Variants in RAPGEF4 observed in about 807,000 individuals in gnomAD.
RAPGEF4 encodes RAP guanine-nucleotide-exchange factor (GEF) 4.
A neutral mutation model predicts 147.9 loss-of-function variants in RAPGEF4; 66 were observed. That is an observed-to-expected ratio of 0.45 (90% confidence interval 0.37 to 0.55). The LOEUF (loss-of-function observed/expected upper bound fraction) is 0.55, where lower values mean the gene tolerates loss of function less well. Ranked by LOEUF, RAPGEF4 falls within the 20% of genes least tolerant of loss-of-function variation. RAPGEF4 has a pLI of 0.00. For synonymous variants in RAPGEF4, 419 were observed against 442.7 expected, an observed-to-expected ratio of 0.95 and a Z score of 0.67; for missense variants, 1,071 against 1,257.3, an observed-to-expected ratio of 0.85 and a Z score of 2.24.
intron 6 of RAPGEF4, among the ~76,000 whole-genome samples, chr2:172,941,257 A>G (rs576810886): frequency 6.6e-6 from 1 of 152,148 alleles, no homozygotes; most frequent in African/African-American, 2.4e-5. Flanking sequence ...GAATGGTGAG[A>G]AAGAATACCC....
rs1690509757 is a variant in RAPGEF4, at chr2:172,832,836, AT to A, written c.444+18415del. 2.6e-5 allele frequency among the ~76,000 whole-genome samples: 4 copies of A among 152,330 alleles called. No individual in the cohort carries two copies. The South Asian group carries it at 8.3e-4, about 32-fold the overall frequency. On this transcript the variant is annotated intron_variant, in intron 4 of 30. Transcript: ENST00000397081. The stretch of plus-strand genomic sequence containing the variant: ...ATCTTTCCTTTACTTTAATGTCATT[AT>A]TTTCAGACTAATGGTTGGCTAATAG...
chr2:172,748,241 T>A (rs1597649), intron 1 of RAPGEF4, among the ~76,000 whole-genome samples: 125,650 of 152,122 alleles, frequency 0.83, 54,238 homozygotes, highest in Non-Finnish European at 0.96. Context: ...ATTTTGAGGA[T>A]CCTCCATAAG....
At chr2:172,753,887 C>CAA (rs1695526871) in intron 1 of RAPGEF4, among the ~76,000 whole-genome samples, 1 of 151,598 alleles carries the variant, frequency 6.6e-6, no homozygotes. Context: ...CACACACACA[C>CAA]ACACACACAC....
At chr2:172,797,678 T>C in intron 3 of RAPGEF4, 65 bp downstream of exon 3, 2 of 1,197,248 alleles carry the variant, frequency 1.7e-6, no homozygotes, top group Non-Finnish European at 2.4e-6. Flanking sequence ...TCCCTATGTC[T>C]TTTATGCCAT....
intron 4 of RAPGEF4, among the ~76,000 whole-genome samples, chr2:172,866,991 CCCAGGCTG>C (rs1248274835): frequency 2.0e-5 from 3 of 149,552 alleles, no homozygotes; most frequent in Non-Finnish European, 4.4e-5. Context: ...CTTGCTGTCA[CCCAGGCTG>C]CCAGGCTGCC....
intron 10 of RAPGEF4, among the ~76,000 whole-genome samples, chr2:172,978,741 T>C (rs1185869508): frequency 1.3e-5 from 2 of 152,248 alleles, no homozygotes; most frequent in Non-Finnish European, 2.9e-5. Flanking sequence ...CCATTCTTGT[T>C]TCTCAGACAT....
chr2:172,799,674 ATGGAGAGAG>A (rs1686772379), intron 3 of RAPGEF4, among the ~76,000 whole-genome samples: 1 of 152,156 alleles, frequency 6.6e-6, no homozygotes, highest in Non-Finnish European at 1.5e-5. Flanking sequence ...ATGAGTGATA[ATGGAGAGAG>A]TGGAGAAGCT....
intron 4 of RAPGEF4, among the ~76,000 whole-genome samples, chr2:172,865,474 G>C (rs1228972155): frequency 6.6e-6 from 1 of 152,158 alleles, no homozygotes; most frequent in East Asian, 1.9e-4. Context: ...TGAGGAGTCA[G>C]CCAAGACCAA....
rs562331371 is a variant in RAPGEF4 at position 172,997,111 on chromosome 2, T to C, written c.1579+557T>C. 2.5e-4 allele frequency among the ~76,000 whole-genome samples: 38 copies of C among 152,340 alleles called. No individual in the cohort carries two copies. The South Asian group carries it at 5.0e-3, about 20-fold the overall frequency. On this transcript the variant is annotated intron_variant, in intron 16 of 30. Coordinates refer to ENST00000397081, the MANE Select transcript of RAPGEF4 (RefSeq NM_007023.4). ...CTAGAAATCCTAGCTGAAGGTGATA[T>C]TTGGGTTGGTTCCTTTTGAAGGCTG...
chr2:172,874,528 T>C (rs1340510703), intron 4 of RAPGEF4, among the ~76,000 whole-genome samples: 2 of 152,198 alleles, frequency 1.3e-5, no homozygotes, highest in African/African-American at 4.8e-5. Flanking sequence ...GACAGTTTGC[T>C]GAGAATGATG....
At chr2:172,987,251 G>A (rs946149064) in intron 12 of RAPGEF4, among the ~76,000 whole-genome samples, 2 of 152,080 alleles carry the variant, frequency 1.3e-5, no homozygotes, top group South Asian at 2.1e-4. Context: ...GCAGTGAGCC[G>A]TGATCACGCC....
intron 4 of RAPGEF4, among the ~76,000 whole-genome samples, chr2:172,874,009 C>T (rs562529913): frequency 6.6e-6 from 1 of 152,318 alleles, no homozygotes; most frequent in Middle Eastern, 3.4e-3. Context: ...TACCGTCTCA[C>T]ACCAGTTAGA....
At chr2:172,736,219 C>G in intron 1 of RAPGEF4, 171 bp downstream of exon 1, 1 of 402,454 alleles carries the variant, frequency 2.5e-6, no homozygotes, top group South Asian at 8.2e-5. Flanking sequence ...GACAAGGATC[C>G]CCGCCTCTCG....
chr2:172,838,811 CA>C, intron 4 of RAPGEF4, among the ~76,000 whole-genome samples: 1 of 151,954 alleles, frequency 6.6e-6, no homozygotes, highest in South Asian at 2.1e-4. Flanking sequence ...AACACAGTCA[CA>C]GGGGAGGATG....
intron 9 of RAPGEF4, 64 bp downstream of exon 9, chr2:172,965,747 T>C: frequency 6.2e-7 from 1 of 1,601,176 alleles, no homozygotes; most frequent in Non-Finnish European, 8.6e-7. Flanking sequence ...CCTGGGTAAG[T>C]AGTTGCTGAA....
At position 172,758,621 on chromosome 2, in the gene RAPGEF4, T is replaced by C. The variant is rs546605962; in HGVS notation, c.65+22573T>C. 2.0e-5 allele frequency among the ~76,000 whole-genome samples: 3 copies of C among 152,288 alleles called. No homozygotes were observed. In the East Asian group the frequency reaches 5.8e-4, roughly 29 times the overall value. ...TTTTGGAGGTAGAACCAATAGGACATGCTTATGAATTGAATGTGGAAGTGT... is the reference window on the plus strand; with the variant it reads ...TTTTGGAGGTAGAACCAATAGGACACGCTTATGAATTGAATGTGGAAGTGT... On this transcript the variant is annotated intron_variant, in intron 1 of 30. Coordinates refer to ENST00000397081, the MANE Select transcript of RAPGEF4 (RefSeq NM_007023.4).
At chr2:172,854,022 A>G (rs1184864275) in intron 4 of RAPGEF4, among the ~76,000 whole-genome samples, 1 of 151,986 alleles carries the variant, frequency 6.6e-6, no homozygotes, top group Non-Finnish European at 1.5e-5. Context: ...AGGTATTCCT[A>G]TCTTGGTAAA....
At chr2:172,809,481 G>A (rs1313390482) in intron 3 of RAPGEF4, among the ~76,000 whole-genome samples, 3 of 152,178 alleles carry the variant, frequency 2.0e-5, no homozygotes, top group Non-Finnish European at 4.4e-5. Flanking sequence ...TCAGAACTCA[G>A]TTATTAGAAC....
At chr2:172,985,369 A>T in intron 11 of RAPGEF4, 64 bp from the exon 12 acceptor site, 2 of 1,610,464 alleles carry the variant, frequency 1.2e-6, no homozygotes, top group Non-Finnish European at 8.5e-7. Context: ...CAGAAAGAGT[A>T]CAACCCTTTT....
Sources: allele counts gnomAD v4.1 joint callset (sites outside exome capture counted in the v4.1 genomes callset), GRCh38; gene constraint gnomAD v4.1.1; transcripts MANE v1.5; gene names NCBI Gene and HGNC (gene_info 2026-07-23, HGNC 2026-07-21).